Variants in AGFG1 observed in about 807,000 individuals in gnomAD.
AGFG1 encodes the protein ArfGAP with FG repeats 1.
In AGFG1, 10 loss-of-function variants were observed where a neutral mutation model predicts 60.6. That is an observed-to-expected ratio of 0.16 (90% CI 0.10 to 0.28). The LOEUF is 0.28. AGFG1 is among the 10% of genes least tolerant of loss of function. The pLI is 1.00. For synonymous variants in AGFG1, 247 were observed against 242.9 expected (o/e 1.02, Z -0.16); for missense variants, 537 against 676.5 (o/e 0.79, Z 2.29).
rs777649930 is a variant in AGFG1, at chr2:227,526,539, CTTTTTTT to C, written c.694+1639_694+1645del. ...AGGCATGAGCCACTGTGCCCAGCCT[CTTTTTTT>C]TTTTTTTTTTTTTTGAGATGGAGTC... is the stretch of plus-strand genomic sequence containing the variant. On this transcript the variant is annotated intron_variant, in intron 5 of 12. Coordinates refer to ENST00000310078, the MANE Select transcript of AGFG1 (RefSeq NM_004504.5). Among the ~76,000 whole-genome samples the C allele has an allele frequency of 4.3e-5, 4 of 92,488 alleles. No homozygotes were observed. The South Asian group carries it at 1.6e-3, about 36-fold the overall frequency. 60.7% of individuals were successfully genotyped at this position (92,488 alleles called of 152,430 possible). A position where few individuals can be genotyped will look rare whatever the true frequency, so the allele number is the denominator to read the frequency against.
chr2:227,552,512 T>G (rs1486639365), intron 11 of AGFG1, among the ~76,000 whole-genome samples: 1 of 152,192 alleles, frequency 6.6e-6, no homozygotes, highest in African/African-American at 2.4e-5. Context: ...TGAAATAGAC[T>G]ACTTTTCTAA....
chr2:227,521,588 C>T (rs574374141), intron 3 of AGFG1, among the ~76,000 whole-genome samples: 56 of 152,230 alleles, frequency 3.7e-4, no homozygotes, highest in African/African-American at 1.3e-3. Context: ...TCTGAATTTC[C>T]TAGACATTCT....
intron 10 of AGFG1, among the ~76,000 whole-genome samples, chr2:227,550,504 G>A (rs1279150148): frequency 6.6e-6 from 1 of 152,116 alleles, no homozygotes; most frequent in East Asian, 1.9e-4. Flanking sequence ...CTCTCTTAAA[G>A]TGATTTGTCA....
chr2:227,505,615 C>T (rs1207330166), intron 2 of AGFG1, among the ~76,000 whole-genome samples: 1 of 152,136 alleles, frequency 6.6e-6, no homozygotes, highest in Non-Finnish European at 1.5e-5. Flanking sequence ...TCTTTTCCAT[C>T]TCTAGCATTT....
intron 1 of AGFG1, among the ~76,000 whole-genome samples, chr2:227,480,888 CTT>C (rs1275437798): frequency 1.3e-5 from 2 of 152,202 alleles, no homozygotes. Flanking sequence ...GGTGAAAATA[CTT>C]TACCCTTGGA....
rs1692224045 is a variant in AGFG1 at position 227,533,642 on chromosome 2, A to G, written c.908A>G (p.Gln303Arg). ...SADFGTFNTS[Q>R]SHQTASAVSK... The stretch of plus-strand genomic sequence containing the variant: ...GATTTTGGAACCTTCAATACTTCCC[A>G]GAGTCATCAAACAGCATCAGCTGTT... Residue 303 changes from glutamine to arginine, a missense_variant, in exon 7 of 13, where the codon CAG (glutamine) becomes CGG (arginine). Coordinates refer to ENST00000310078, the MANE Select transcript of AGFG1 (RefSeq NM_004504.5). The G allele has an allele frequency of 6.2e-7, 1 of 1,613,716 alleles. No homozygotes were observed. Among genetic ancestry groups the G allele is most frequent in the South Asian group, 1.1e-5 (1 of 91,078 alleles).
At chr2:227,538,556 C>T (rs953485329) in intron 10 of AGFG1, among the ~76,000 whole-genome samples, 2 of 152,218 alleles carry the variant, frequency 1.3e-5, no homozygotes, top group African/African-American at 4.8e-5. Context: ...GACCTGACTT[C>T]TCTGAGCCTT....
At chr2:227,475,599 A>G (rs77924326) in intron 1 of AGFG1, among the ~76,000 whole-genome samples, 13 of 152,242 alleles carry the variant, frequency 8.5e-5, no homozygotes, top group East Asian at 3.8e-4. Context: ...TTTAGATGAC[A>G]TGGTATAATT....
intron 1 of AGFG1, among the ~76,000 whole-genome samples, chr2:227,484,695 T>G (rs1392081628): frequency 2.2e-4 from 2 of 9,114 alleles, no homozygotes; most frequent in Non-Finnish European, 5.0e-4. Context: ...TTTGTTTTTT[T>G]TTTTTTTTTT....
rs114509408 is a variant in AGFG1, at chr2:227,529,341, T to A, written c.695-1750T>A. On this transcript the variant is annotated intron_variant, in intron 5 of 12. Coordinates refer to ENST00000310078, the MANE Select transcript of AGFG1 (RefSeq NM_004504.5). ...CTCATCCTGATATTCTTGTTAATTT[T>A]AAAAAAAATTAGGTGAAAATTTTAT... Among the ~76,000 whole-genome samples, 532 of 152,066 alleles carry A rather than the reference T, an allele frequency of 3.5e-3. 3 individuals carry two copies. The highest frequency in any genetic ancestry group is 0.012 in the African/African-American group (488 of 41,500).
intron 2 of AGFG1, among the ~76,000 whole-genome samples, chr2:227,515,167 C>T (rs1248549027): frequency 1.3e-5 from 2 of 152,124 alleles, no homozygotes; most frequent in African/African-American, 4.8e-5. Context: ...GCAATCCATC[C>T]GTTTGGGCCT....
At chr2:227,510,494 CAT>C (rs1328612729) in intron 2 of AGFG1, among the ~76,000 whole-genome samples, 1 of 151,872 alleles carries the variant, frequency 6.6e-6, no homozygotes. Flanking sequence ...GGAGACAAGA[CAT>C]AGTATGAGAA....
chr2:227,541,119 A>G (rs1436615217), intron 10 of AGFG1, among the ~76,000 whole-genome samples: 2 of 152,156 alleles, frequency 1.3e-5, no homozygotes, highest in African/African-American at 2.4e-5. Context: ...GGTAGATTGC[A>G]GAAATTTTCT....
In AGFG1 at chr2:227,560,437, T is replaced by C. The variant is rs1009682839; in HGVS notation, c.*5942T>C. 4.0e-3 allele frequency: 47 copies of C among 11,774 alleles called. No individual in the cohort carries two copies. Among genetic ancestry groups the C allele is most frequent in the African/African-American group, 9.9e-3 (46 of 4,640 alleles). The allele number at this position is 11,774 out of a possible 1,614,324, so 0.7% of individuals were successfully genotyped here. On this transcript the variant is annotated 3_prime_UTR_variant, in exon 13 of 13. Transcript: ENST00000310078. ...ATTTAAAGAAGAAAAAAAATCTCTC[T>C]GACTATCTGAAGATATATGAAAAAG...
intron 2 of AGFG1, among the ~76,000 whole-genome samples, chr2:227,506,579 A>AAAG (rs61633978): frequency 1.3e-5 from 2 of 150,220 alleles, no homozygotes; most frequent in Admixed American, 6.7e-5. Context: ...AAAAAAAAAA[A>AAAG]GCACATAGGC....
intron 1 of AGFG1, among the ~76,000 whole-genome samples, chr2:227,484,212 G>A (rs1051681995): frequency 6.6e-6 from 1 of 151,656 alleles, no homozygotes; most frequent in Admixed American, 6.6e-5. Context: ...TTTTTGAGAC[G>A]GAGTTTTACT....
intron 2 of AGFG1, among the ~76,000 whole-genome samples, chr2:227,495,545 C>CAAA (rs1215021284): frequency 7.8e-5 from 7 of 90,136 alleles, no homozygotes; most frequent in Admixed American, 2.6e-4. Context: ...GATACTGTCT[C>CAAA]AAAAAAAAAA....
intron 10 of AGFG1, among the ~76,000 whole-genome samples, chr2:227,546,220 C>T (rs62191039): frequency 0.084 from 12,730 of 152,230 alleles, 789 homozygotes; most frequent in African/African-American, 0.16. Flanking sequence ...GCCTTGCTGC[C>T]GCCTCGCAGT....
intron 2 of AGFG1, among the ~76,000 whole-genome samples, chr2:227,496,729 C>T (rs1575073729): frequency 1.3e-5 from 2 of 152,078 alleles, no homozygotes; most frequent in African/African-American, 2.4e-5. Context: ...AAATTCCCAG[C>T]GTATTTCTTG....
Sources: allele counts gnomAD v4.1 joint callset (sites outside exome capture counted in the v4.1 genomes callset), GRCh38; gene constraint gnomAD v4.1.1; transcripts MANE v1.5; gene names NCBI Gene and HGNC (gene_info 2026-07-23, HGNC 2026-07-21).